The following IPO11 variants were observed in gnomAD, a reference collection of about 807,000 sequenced individuals.
IPO11 encodes importin 11.
IPO11 carries 66 observed loss-of-function variants against 143.2 expected under a neutral mutation model. The observed-to-expected ratio is 0.46, with a 90% CI of 0.38 to 0.57. IPO11 has a LOEUF of 0.57. Ranked by LOEUF, IPO11 falls within the 20% of genes least tolerant of loss-of-function variation. The pLI is 0.00. For synonymous variants in IPO11, 385 were observed against 377.8 expected, an observed-to-expected ratio of 1.02 and a Z score of -0.22; for missense variants, 1,026 against 1,141.0, an observed-to-expected ratio of 0.90 and a Z score of 1.45.
chr5:62,538,652 T>C (rs1209332542), intron 24 of IPO11, among the ~76,000 whole-genome samples: 1 of 152,236 alleles, frequency 6.6e-6, no homozygotes, highest in Non-Finnish European at 1.5e-5. Flanking sequence ...ATTAAACCTC[T>C]TTCCTTTATA....
At chr5:62,537,042 G>A (rs1343902189) in intron 23 of IPO11, among the ~76,000 whole-genome samples, 167 bp from the exon 24 acceptor site, 1 of 151,620 alleles carries the variant, frequency 6.6e-6, no homozygotes, top group Non-Finnish European at 1.5e-5. Flanking sequence ...TTTTTATTTG[G>A]CATAATCTTT....
intron 27 of IPO11, among the ~76,000 whole-genome samples, chr5:62,582,725 T>A (rs1305369592): frequency 6.6e-6 from 1 of 152,182 alleles, no homozygotes; most frequent in African/African-American, 2.4e-5. Flanking sequence ...TTAAGAATCT[T>A]TAATATAGAT....
chr5:62,427,568 T>A (rs969003581), intron 1 of IPO11, among the ~76,000 whole-genome samples: 4 of 152,208 alleles, frequency 2.6e-5, no homozygotes, highest in Non-Finnish European at 5.9e-5. Flanking sequence ...CATTACTACC[T>A]GAGGTCCACC....
At chr5:62,596,140 A>C (rs1177924472) in intron 28 of IPO11, among the ~76,000 whole-genome samples, 1 of 151,244 alleles carries the variant, frequency 6.6e-6, no homozygotes, top group Non-Finnish European at 1.5e-5. Context: ...ACATGCCTTT[A>C]GTCCCTGCTT....
At chr5:62,425,665 A>G (rs776561916) in intron 1 of IPO11, among the ~76,000 whole-genome samples, 13 of 152,206 alleles carry the variant, frequency 8.5e-5, no homozygotes, top group Non-Finnish European at 1.9e-4. Flanking sequence ...ACAATAGTAC[A>G]TTATCCGGTA....
At chr5:62,545,917 A>T (rs1187399726) in intron 24 of IPO11, among the ~76,000 whole-genome samples, 4 of 152,376 alleles carry the variant, frequency 2.6e-5, no homozygotes, top group Admixed American at 2.6e-4. Context: ...CACACCAGTT[A>T]GAATGGCAAC....
chr5:62,474,752 G>A (rs1745896572), intron 8 of IPO11, among the ~76,000 whole-genome samples: 1 of 152,100 alleles, frequency 6.6e-6, no homozygotes, highest in South Asian at 2.1e-4. Context: ...CTTGGACTAC[G>A]AACCAAGACC....
intron 24 of IPO11, among the ~76,000 whole-genome samples, chr5:62,544,366 C>T (rs1027245151): frequency 7.2e-5 from 11 of 152,068 alleles, no homozygotes; most frequent in African/African-American, 2.4e-4. Context: ...ATGATTATCT[C>T]AATAGATGCA....
At chr5:62,540,882 A>G (rs1007677718) in intron 24 of IPO11, among the ~76,000 whole-genome samples, 1 of 152,208 alleles carries the variant, frequency 6.6e-6, no homozygotes, top group Non-Finnish European at 1.5e-5. Flanking sequence ...AGGCTACTAT[A>G]ATTTTAGGCA....
chr5:62,600,561 C>T (rs1228920428), intron 28 of IPO11, among the ~76,000 whole-genome samples: 1 of 152,194 alleles, frequency 6.6e-6, no homozygotes, highest in Non-Finnish European at 1.5e-5. Flanking sequence ...TTCTAAAATA[C>T]AAACTGGGAT....
chr5:62,513,475 C>T (rs1387744474), intron 19 of IPO11, among the ~76,000 whole-genome samples: 1 of 131,166 alleles, frequency 7.6e-6, no homozygotes, highest in Non-Finnish European at 1.6e-5. Context: ...TCCTCACTTC[C>T]CAGTAGGGGC....
Position 62,506,344 on chromosome 5 carries a change from G to A in IPO11, c.1769G>A (p.Arg590Lys). Residue 590 changes from arginine (R) to lysine (K), a missense_variant, in exon 19 of 30, where the codon AGA becomes AAA. Transcript: ENST00000325324. Reference protein sequence around the residue: ...VLHVLSCVIERVNMQIRPYVG... With the variant: ...VLHVLSCVIEKVNMQIRPYVG... Reference sequence around the variant, plus strand: ...CATGTCCTTTCTTGTGTGATCGAAAGAGTCAACATGCAGGTAATTATATTG... The same window carrying A: ...CATGTCCTTTCTTGTGTGATCGAAAAAGTCAACATGCAGGTAATTATATTG... 1 of 1,579,162 alleles carries A rather than the reference G, an allele frequency of 6.3e-7. No individual in the cohort carries two copies.
At chr5:62,432,864 G>A (rs1016704123) in intron 1 of IPO11, among the ~76,000 whole-genome samples, 1 of 152,158 alleles carries the variant, frequency 6.6e-6, no homozygotes, top group African/African-American at 2.4e-5. Flanking sequence ...AGGTCAAGTT[G>A]TGTTGTTGTT....
At chr5:62,582,701 A>G (rs774078882) in intron 27 of IPO11, among the ~76,000 whole-genome samples, 1 of 152,214 alleles carries the variant, frequency 6.6e-6, no homozygotes, top group Non-Finnish European at 1.5e-5. Context: ...CCTAGGAGAT[A>G]TTAGTGCCCT....
intron 29 of IPO11, among the ~76,000 whole-genome samples, chr5:62,611,502 T>A (rs185965759): frequency 2.1e-3 from 317 of 152,294 alleles, no homozygotes; most frequent in African/African-American, 7.2e-3. Context: ...AATAAAGTGA[T>A]GATAGTGATG....
In IPO11 at chr5:62,601,863, T is replaced by A; in HGVS notation, c.2763+15T>A. The A allele has an allele frequency of 6.7e-7, 1 of 1,503,008 alleles. No homozygotes were observed. The highest frequency in any genetic ancestry group is 1.3e-5 in the South Asian group (1 of 79,430). 93.1% of individuals were successfully genotyped at this position (1,503,008 alleles called of 1,614,324 possible). Reference sequence around the variant, plus strand: ...GGAAAAAGATGGTAAGTTATAAAAGTAGCTTGTAAAAATTAAGAACCATAT... The same window carrying A: ...GGAAAAAGATGGTAAGTTATAAAAGAAGCTTGTAAAAATTAAGAACCATAT... On this transcript the variant is annotated intron_variant, in intron 29 of 29. Transcript: ENST00000325324.
intron 8 of IPO11, among the ~76,000 whole-genome samples, chr5:62,476,055 A>G (rs1745946463): frequency 6.6e-6 from 1 of 152,236 alleles, no homozygotes; most frequent in Non-Finnish European, 1.5e-5. Context: ...TGTCCTGGGT[A>G]CTATGCATGG....
chr5:62,579,166 G>C (rs527919308), intron 27 of IPO11, among the ~76,000 whole-genome samples: 1 of 152,056 alleles, frequency 6.6e-6, no homozygotes, highest in African/African-American at 2.4e-5. Flanking sequence ...AGTTAACTTA[G>C]CAAATGTTTC....
rs756162176 is a variant in IPO11, at chr5:62,487,767, C to T, written c.1219-4C>T. On this transcript the variant is annotated splice_region_variant and splice_polypyrimidine_tract_variant and intron_variant, in intron 12 of 29. Transcript: ENST00000325324. Reference sequence around the variant, plus strand: ...ATGAGAAATTTGTATTTTTCCCTCTCCAGCCATGCACTGAAGTATTATTTA... The same window carrying T: ...ATGAGAAATTTGTATTTTTCCCTCTTCAGCCATGCACTGAAGTATTATTTA... The T allele has an allele frequency of 1.3e-6, 2 of 1,566,684 alleles. No individual in the cohort carries two copies. Among genetic ancestry groups the T allele is most frequent in the African/African-American group, 2.7e-5 (2 of 73,094 alleles).
Sources: allele counts gnomAD v4.1 joint callset (sites outside exome capture counted in the v4.1 genomes callset), GRCh38; gene constraint gnomAD v4.1.1; transcripts MANE v1.5; gene names NCBI Gene and HGNC (gene_info 2026-07-23, HGNC 2026-07-21).